The following LHFPL4 variants were observed in gnomAD, a reference collection of about 807,000 sequenced individuals.
The protein encoded by LHFPL4 is LHFPL tetraspan subfamily member 4, also known as LHFPL tetraspan subfamily member 4 protein.
In LHFPL4, 6 loss-of-function variants were observed where a neutral mutation model predicts 20.0. The ratio of observed to expected loss-of-function variants is 0.30; its 90% CI spans 0.16 to 0.59. LHFPL4 has a LOEUF of 0.59. Among genes scored for constraint, LHFPL4 ranks in the 20% least tolerant of loss-of-function variants. The probability of loss-of-function intolerance (pLI) is 0.88; values close to 1 mark genes in which losing one functional copy is unlikely to be tolerated. For missense variants in LHFPL4, 215 were observed against 331.2 expected (o/e 0.65, Z 2.72); for synonymous variants, 129 against 143.8 (o/e 0.90, Z 0.74).
At chr3:9,515,046 T>A (rs2046289759) in intron 2 of LHFPL4, among the ~76,000 whole-genome samples, 3 of 152,180 alleles carry the variant, frequency 2.0e-5, no homozygotes, top group Admixed American at 2.0e-4. Flanking sequence ...GGTCATATAG[T>A]AAGAGTACAT....
intron 2 of LHFPL4, among the ~76,000 whole-genome samples, chr3:9,510,479 G>A (rs1188682962): frequency 6.6e-6 from 1 of 151,122 alleles, no homozygotes; most frequent in African/African-American, 2.4e-5. Context: ...ATTATCCCTG[G>A]CTGAAAACCA....
chr3:9,547,311 A>T (rs1574856494), intron 2 of LHFPL4, among the ~76,000 whole-genome samples: 2 of 152,134 alleles, frequency 1.3e-5, no homozygotes, highest in East Asian at 1.9e-4. Context: ...GTCTTACACG[A>T]CTAGCACATA....
At chr3:9,516,184 CT>C (rs937039800) in intron 2 of LHFPL4, among the ~76,000 whole-genome samples, 1 of 152,026 alleles carries the variant, frequency 6.6e-6, no homozygotes, top group African/African-American at 2.4e-5. Flanking sequence ...GGTAATCTAG[CT>C]TTTTTTAGCC....
At chr3:9,502,375 T>A in intron 3 of LHFPL4, 64 bp from the exon 4 acceptor site, 1 of 1,246,340 alleles carries the variant, frequency 8.0e-7, no homozygotes, top group Non-Finnish European at 1.2e-6. Context: ...TGCCTGGGCA[T>A]TCAGGCTTTC....
chr3:9,503,766 C>G (rs2046195462), intron 3 of LHFPL4, among the ~76,000 whole-genome samples: 1 of 152,254 alleles, frequency 6.6e-6, no homozygotes, highest in African/African-American at 2.4e-5. Flanking sequence ...TGGCTCACAC[C>G]TGTAATCTCA....
chr3:9,510,575 A>G (rs2046251348), intron 2 of LHFPL4, among the ~76,000 whole-genome samples: 1 of 152,120 alleles, frequency 6.6e-6, no homozygotes, highest in African/African-American at 2.4e-5. Context: ...CCAAGCAGCC[A>G]GGAGGTGTTA....
At chr3:9,510,636 T>G (rs2046251721) in intron 2 of LHFPL4, among the ~76,000 whole-genome samples, 1 of 151,900 alleles carries the variant, frequency 6.6e-6, no homozygotes, top group Non-Finnish European at 1.5e-5. Context: ...GTGATACTAT[T>G]GTTAAAAATA....
At chr3:9,510,352 C>T (rs974812957) in intron 2 of LHFPL4, among the ~76,000 whole-genome samples, 1 of 150,130 alleles carries the variant, frequency 6.7e-6, no homozygotes, top group African/African-American at 2.5e-5. Context: ...GTGGGAGGAT[C>T]GCTTGAGCCG....
chr3:9,502,966 T>A (rs1367996162), intron 3 of LHFPL4, among the ~76,000 whole-genome samples: 3 of 152,122 alleles, frequency 2.0e-5, no homozygotes, highest in Admixed American at 6.6e-5. Context: ...TTATCTATTT[T>A]TTCTTTGGTT....
At chr3:9,502,818 C>T (rs529382573) in intron 3 of LHFPL4, among the ~76,000 whole-genome samples, 7 of 152,150 alleles carry the variant, frequency 4.6e-5, no homozygotes, top group East Asian at 3.9e-4. Context: ...CTCTGAGCCC[C>T]GATTTTCTCA....
At chr3:9,507,251 G>A (rs1298726818) in intron 2 of LHFPL4, among the ~76,000 whole-genome samples, 2 of 152,242 alleles carry the variant, frequency 1.3e-5, no homozygotes, top group African/African-American at 2.4e-5. Context: ...GCGGGGTGGG[G>A]AGACTTGGAT....
chr3:9,513,883 G>A (rs972432213), intron 2 of LHFPL4, among the ~76,000 whole-genome samples: 1 of 152,180 alleles, frequency 6.6e-6, no homozygotes, highest in Admixed American at 6.5e-5. Flanking sequence ...GTTTTGGGGT[G>A]TGAGGGTGGC....
chr3:9,520,994 TAGAGAGG>T (rs1204575922), intron 2 of LHFPL4, among the ~76,000 whole-genome samples: 3 of 152,174 alleles, frequency 2.0e-5, no homozygotes, highest in Admixed American at 6.5e-5. Flanking sequence ...CCATTTCTGA[TAGAGAGG>T]TCTCGAAGTC....
intron 2 of LHFPL4, among the ~76,000 whole-genome samples, chr3:9,541,329 C>A (rs975995324): frequency 2.6e-5 from 4 of 152,192 alleles, no homozygotes; most frequent in Admixed American, 2.6e-4. Flanking sequence ...AGAAAGCAAT[C>A]TATGTATCTA....
intron 2 of LHFPL4, among the ~76,000 whole-genome samples, chr3:9,509,844 A>G (rs773348007): frequency 1.3e-5 from 2 of 152,254 alleles, no homozygotes; most frequent in Non-Finnish European, 2.9e-5. Context: ...AGGGCCAACC[A>G]TCAGGAGATG....
chr3:9,528,003 T>TA (rs1055445564), intron 2 of LHFPL4, among the ~76,000 whole-genome samples: 3 of 151,942 alleles, frequency 2.0e-5, no homozygotes, highest in East Asian at 1.9e-4. Context: ...AGCATATGTC[T>TA]AAAAAAAACC....
Position 9,506,649 on chromosome 3 carries a change from C to T in LHFPL4, c.407-446G>A, listed in dbSNP as rs751254410. Among the ~76,000 whole-genome samples, 25 of 131,102 alleles carry T rather than the reference C, an allele frequency of 1.9e-4. No individual in the cohort carries two copies. The highest frequency in any genetic ancestry group is 5.4e-4 in the East Asian group (2 of 3,692). 86.0% of individuals were successfully genotyped at this position (131,102 alleles called of 152,430 possible). A position where few individuals can be genotyped will look rare whatever the true frequency, so the allele number is the denominator to read the frequency against. Reference sequence around the variant, plus strand: ...AGGGTGGAGTGCAATGGCGTGATCTCGGCTCACTGTAACCTCCACCTCCCG... The same window carrying T: ...AGGGTGGAGTGCAATGGCGTGATCTTGGCTCACTGTAACCTCCACCTCCCG... On this transcript the variant is annotated intron_variant, in intron 2 of 3. Transcript: ENST00000287585. The surrounding 1 kb of genome is among the most constrained non-coding windows in gnomAD (Gnocchi z 4.5).
intron 2 of LHFPL4, among the ~76,000 whole-genome samples, chr3:9,538,219 G>A (rs955794012): frequency 2.6e-5 from 4 of 152,010 alleles, no homozygotes; most frequent in Non-Finnish European, 5.9e-5. Context: ...CCTCCAACTG[G>A]TCCATTCTCC....
At chr3:9,518,633 A>G (rs1249640115) in intron 2 of LHFPL4, among the ~76,000 whole-genome samples, 6 of 152,050 alleles carry the variant, frequency 3.9e-5, no homozygotes, top group Admixed American at 1.3e-4. Flanking sequence ...TTGGCAGATT[A>G]TGTCTTTCTA....
Sources: allele counts gnomAD v4.1 joint callset (sites outside exome capture counted in the v4.1 genomes callset), GRCh38; gene constraint gnomAD v4.1.1; non-coding constraint Gnocchi (gnomAD v3.1); transcripts MANE v1.5; gene names NCBI Gene and HGNC (gene_info 2026-07-23, HGNC 2026-07-21).